Variants in KHDRBS2 observed in about 807,000 individuals in gnomAD.
KHDRBS2 encodes KH RNA binding domain containing, signal transduction associated 2.
A neutral mutation model predicts 44.3 loss-of-function variants in KHDRBS2; 26 were observed. The ratio of observed to expected loss-of-function variants is 0.59; its 90% confidence interval spans 0.43 to 0.81. KHDRBS2 has a LOEUF of 0.81. Among genes scored for constraint, KHDRBS2 ranks in the 40% least tolerant of loss-of-function variants. The pLI, the probability that KHDRBS2 is intolerant of heterozygous loss-of-function variation, is 0.00. For missense variants in KHDRBS2, 476 were observed against 433.1 expected (o/e 1.10, Z -0.88); for synonymous variants, 194 against 151.1 (o/e 1.28, Z -2.08).
chr6:62,195,984 A>C (rs1563042455), intron 1 of KHDRBS2, among the ~76,000 whole-genome samples: 1 of 152,192 alleles, frequency 6.6e-6, no homozygotes, highest in Non-Finnish European at 1.5e-5. Context: ...AAATATTAAA[A>C]CAGAAACAGA....
At chr6:61,629,591 T>C in the KHDRBS2 span, among the ~76,000 whole-genome samples, 1 of 152,162 alleles carries the variant, frequency 6.6e-6, no homozygotes, top group African/African-American at 2.4e-5. Flanking sequence ...TAAAGTCCTA[T>C]AAGTGACTGC....
At chr6:61,941,882 G>T (rs554786692) in intron 4 of KHDRBS2, among the ~76,000 whole-genome samples, 1 of 152,130 alleles carries the variant, frequency 6.6e-6, no homozygotes, top group East Asian at 1.9e-4. Context: ...CACCTCCAAC[G>T]AACATAATAA....
chr6:62,170,358 A>G (rs1415968679), intron 2 of KHDRBS2, among the ~76,000 whole-genome samples: 5 of 152,042 alleles, frequency 3.3e-5, no homozygotes, highest in African/African-American at 1.2e-4. Context: ...GGACCAAAAC[A>G]TCCAGCAGAA....
Position 61,743,083 on chromosome 6 carries a change from G to A in KHDRBS2, c.811-10319C>T, listed in dbSNP as rs544366876. ...GAGGCTAATGCTAACTTTTCAATCAGCCCAGTAAAATCAAATAACAAACCT... is the reference window on the plus strand; with the variant it reads ...GAGGCTAATGCTAACTTTTCAATCAACCCAGTAAAATCAAATAACAAACCT... On this transcript the variant is annotated intron_variant, in intron 6 of 8. Coordinates refer to ENST00000281156, the MANE Select transcript of KHDRBS2 (RefSeq NM_152688.4). 1.3e-3 allele frequency among the ~76,000 whole-genome samples: 203 copies of A among 152,056 alleles called. 1 individual carries two copies. Among genetic ancestry groups the A allele is most frequent in the African/African-American group, 4.7e-3 (197 of 41,498 alleles).
chr6:61,618,394 T>C, the KHDRBS2 span, among the ~76,000 whole-genome samples: 1 of 152,232 alleles, frequency 6.6e-6, no homozygotes, highest in Non-Finnish European at 1.5e-5. Context: ...ATTTTTAACA[T>C]ATTTTAACTT....
intron 6 of KHDRBS2, among the ~76,000 whole-genome samples, chr6:61,802,088 G>C (rs1786372596): frequency 6.6e-6 from 1 of 152,096 alleles, no homozygotes; most frequent in African/African-American, 2.4e-5. Context: ...AGCGACCCCT[G>C]GCTGACAACC....
At chr6:61,993,570 C>T (rs1776545580) in intron 3 of KHDRBS2, among the ~76,000 whole-genome samples, 1 of 149,086 alleles carries the variant, frequency 6.7e-6, no homozygotes, top group Non-Finnish European at 1.5e-5. Flanking sequence ...TGGCAGTCAA[C>T]AGTAATTAAC....
chr6:61,736,212 TCACACACACACA>T (rs376298733), intron 6 of KHDRBS2, among the ~76,000 whole-genome samples: 2 of 135,646 alleles, frequency 1.5e-5, no homozygotes, highest in South Asian at 2.6e-4. Context: ...TTACTTTACT[TCACACACACACA>T]CACACACACA....
chr6:61,550,774 T>TTTTTTC, the KHDRBS2 span, among the ~76,000 whole-genome samples: 1 of 149,186 alleles, frequency 6.7e-6, no homozygotes, highest in Non-Finnish European at 1.5e-5. Flanking sequence ...ATCTTTTTTT[T>TTTTTTC]TTTTTTTTTC....
At chr6:61,604,789 C>T in the KHDRBS2 span, among the ~76,000 whole-genome samples, 1 of 152,142 alleles carries the variant, frequency 6.6e-6, no homozygotes, top group African/African-American at 2.4e-5. Flanking sequence ...TCTGGGTAGA[C>T]ACTTTCACTG....
At chr6:62,220,152 A>T (rs1233949044) in intron 1 of KHDRBS2, among the ~76,000 whole-genome samples, 3 of 151,744 alleles carry the variant, frequency 2.0e-5, no homozygotes, top group Non-Finnish European at 4.4e-5. Context: ...AATATTCCAA[A>T]AAAAAGTACA....
intron 1 of KHDRBS2, among the ~76,000 whole-genome samples, chr6:62,245,879 G>T (rs566235097): frequency 6.6e-6 from 1 of 151,640 alleles, no homozygotes; most frequent in Non-Finnish European, 1.5e-5. Context: ...GCCATTCTAT[G>T]TTTTCATATT....
intron 2 of KHDRBS2, among the ~76,000 whole-genome samples, chr6:62,159,328 C>CTT (rs1047970446): frequency 2.6e-4 from 40 of 152,106 alleles, no homozygotes; most frequent in Non-Finnish European, 4.3e-4. Flanking sequence ...TATTCTTATA[C>CTT]TTTAACTCTC....
intron 3 of KHDRBS2, among the ~76,000 whole-genome samples, chr6:62,000,485 A>C (rs1265428957): frequency 6.6e-6 from 1 of 152,210 alleles, no homozygotes; most frequent in Non-Finnish European, 1.5e-5. Context: ...AATTAAACTG[A>C]AAATTTGATA....
At position 61,954,626 on chromosome 6, in the gene KHDRBS2, G is replaced by GTA. The variant is rs200976232; in HGVS notation, c.483+23438_483+23439dup. Among the ~76,000 whole-genome samples the GTA allele has an allele frequency of 9.5e-4, 128 of 134,742 alleles. 1 individual carries two copies. Among genetic ancestry groups the GTA allele is most frequent in the African/African-American group, 3.7e-3 (121 of 33,026 alleles). 88.4% of individuals were successfully genotyped at this position (134,742 alleles called of 152,430 possible). A position where few individuals can be genotyped will look rare whatever the true frequency, so the allele number is the denominator to read the frequency against. ...TACATACTTATGTATACATATATATGTATATATACACATACATACTTATGT... is the reference window on the plus strand; with the variant it reads ...TACATACTTATGTATACATATATATGTATATATATACACATACATACTTATGT... On this transcript the variant is annotated intron_variant, in intron 4 of 8. Coordinates refer to ENST00000281156, the MANE Select transcript of KHDRBS2 (RefSeq NM_152688.4).
At chr6:62,070,280 G>A (rs544441564) in intron 2 of KHDRBS2, among the ~76,000 whole-genome samples, 1 of 150,654 alleles carries the variant, frequency 6.6e-6, no homozygotes, top group African/African-American at 2.4e-5. Flanking sequence ...TCTTTGTCTG[G>A]TTTTGGCATT....
intron 7 of KHDRBS2, among the ~76,000 whole-genome samples, chr6:61,698,548 A>G (rs528023356): frequency 4.6e-5 from 7 of 152,186 alleles, no homozygotes; most frequent in African/African-American, 7.2e-5. Flanking sequence ...TCTATTATCG[A>G]TGTAGCAGTC....
chr6:61,564,506 T>C, the KHDRBS2 span, among the ~76,000 whole-genome samples: 25 of 152,218 alleles, frequency 1.6e-4, no homozygotes, highest in African/African-American at 6.0e-4. Context: ...CATTTTATGG[T>C]TCTCTGGTGA....
chr6:62,280,804 G>C (rs1480931716), intron 1 of KHDRBS2, among the ~76,000 whole-genome samples: 1 of 152,150 alleles, frequency 6.6e-6, no homozygotes, highest in Non-Finnish European at 1.5e-5. Flanking sequence ...TACAAATAAA[G>C]GATTTAACTA....
Sources: allele counts gnomAD v4.1 joint callset (sites outside exome capture counted in the v4.1 genomes callset), GRCh38; gene constraint gnomAD v4.1.1; transcripts MANE v1.5; gene names NCBI Gene and HGNC (gene_info 2026-07-23, HGNC 2026-07-21).